GNAL: variants seen among roughly 807,000 people sequenced by gnomAD.
The protein encoded by GNAL is guanine nucleotide-binding protein G(olf) subunit alpha.
In GNAL, 18 loss-of-function variants were observed where a neutral mutation model predicts 55.1. That is an observed-to-expected ratio of 0.33 (90% confidence interval 0.23 to 0.48). GNAL has a LOEUF of 0.48. Among genes scored for constraint, GNAL ranks in the 20% least tolerant of loss-of-function variants. GNAL has a pLI of 0.99. For missense variants in GNAL, 412 were observed against 614.1 expected, an observed-to-expected ratio of 0.67 and a Z score of 3.48; for synonymous variants, 253 against 237.0, an observed-to-expected ratio of 1.07 and a Z score of -0.62.
Position 11,884,606 on chromosome 18 carries a change from A to ACAGCAC in GNAL, c.*3471_*3472insCAGCAC. ...GGGAGGTAGCACTTGGAGAGGGTGT[A>ACAGCAC]GTCTGTGGGCGTGATGCTACCCTGG... On this transcript the variant is annotated 3_prime_UTR_variant, in exon 12 of 12. Transcript: ENST00000334049. 3 of 1,613,802 alleles carry ACAGCAC rather than the reference A, an allele frequency of 1.9e-6. No homozygotes were observed. Among genetic ancestry groups the ACAGCAC allele is most frequent in the Non-Finnish European group, 2.5e-6 (3 of 1,180,004 alleles).
rs2036315035 is a variant in GNAL, at chr18:11,868,399, C to T, written c.911-144C>T. ...CTGAAGCAACCAGTGGTGCGCGGCGCACCTGCAGGCTGTTCTGTGACTGAA... is the reference window on the plus strand; with the variant it reads ...CTGAAGCAACCAGTGGTGCGCGGCGTACCTGCAGGCTGTTCTGTGACTGAA... On this transcript the variant is annotated intron_variant, in intron 8 of 11. Transcript: ENST00000334049. This position sits in a 1 kb window ranked among gnomAD's most constrained non-coding sequence, Gnocchi z 4.0. 1.6e-6 allele frequency: 1 copy of T among 637,918 alleles called. No homozygotes were observed. The highest frequency in any genetic ancestry group is 1.9e-5 in the African/African-American group (1 of 53,040). The allele number at this position is 637,918 out of a possible 1,614,324, so 39.5% of individuals were successfully genotyped here.
At chr18:11,787,873 CAAA>C (rs541254476) in intron 4 of GNAL, among the ~76,000 whole-genome samples, 2 of 124,262 alleles carry the variant, frequency 1.6e-5, no homozygotes, top group African/African-American at 2.9e-5. Flanking sequence ...GACTCCATCT[CAAA>C]AAAAAAAAAA....
rs192026792 is a variant in GNAL, at chr18:11,777,061, C to T, written c.624+23116C>T. Among the ~76,000 whole-genome samples the T allele has an allele frequency of 3.9e-5, 6 of 152,272 alleles. No individual in the cohort carries two copies. In the East Asian group the frequency reaches 7.7e-4, roughly 20 times the overall value. ...CATTTCTTTCCACTTTTCTATCCCTCGGTCCTCTTTAAAAAAATTAATATA... is the reference window on the plus strand; with the variant it reads ...CATTTCTTTCCACTTTTCTATCCCTTGGTCCTCTTTAAAAAAATTAATATA... On this transcript the variant is annotated intron_variant, in intron 4 of 11. Coordinates refer to ENST00000334049, the MANE Select transcript of GNAL (RefSeq NM_182978.4).
At position 11,851,751 on chromosome 18, in the gene GNAL, G is replaced by T. The variant is rs1301933761; in HGVS notation, c.723-10644G>T. ...TCGATGCAGTGGCTGCCAGGGTCCA[G>T]ACGGCGGTGACGATGGGCAAGGTGA... is the stretch of plus-strand genomic sequence containing the variant. On this transcript the variant is annotated intron_variant, in intron 5 of 11. Coordinates refer to ENST00000334049, the MANE Select transcript of GNAL (RefSeq NM_182978.4). 1.9e-6 allele frequency: 3 copies of T among 1,613,924 alleles called. No individual in the cohort carries two copies. In the Admixed American group the frequency reaches 5.0e-5, roughly 27 times the overall value.
At chr18:11,721,278 A>G (rs1366730405) in intron 1 of GNAL, among the ~76,000 whole-genome samples, 1 of 152,246 alleles carries the variant, frequency 6.6e-6, no homozygotes, top group African/African-American at 2.4e-5. Context: ...AGCACTTGCT[A>G]GCGATTAGTA....
chr18:11,738,279 C>G (rs893226426), intron 1 of GNAL, among the ~76,000 whole-genome samples: 1 of 152,168 alleles, frequency 6.6e-6, no homozygotes, highest in Non-Finnish European at 1.5e-5. Flanking sequence ...AGGCTCCTGC[C>G]CAAGCACAGC....
At chr18:11,848,264 A>G (rs919778739) in intron 5 of GNAL, among the ~76,000 whole-genome samples, 6 of 152,016 alleles carry the variant, frequency 3.9e-5, no homozygotes, top group Non-Finnish European at 7.4e-5. Context: ...AGGGCTGGGG[A>G]ACTGTCAGGG....
rs759062729 is a variant in GNAL, at chr18:11,884,587, T to C, written c.*3452T>C. 4 of 1,613,546 alleles carry C rather than the reference T, an allele frequency of 2.5e-6. No homozygotes were observed. In the African/African-American group the frequency reaches 5.3e-5, roughly 22 times the overall value. On this transcript the variant is annotated 3_prime_UTR_variant, in exon 12 of 12. Transcript: ENST00000334049. The stretch of plus-strand genomic sequence containing the variant: ...CAAAACCACATCCTCACGTGGGAGG[T>C]AGCACTTGGAGAGGGTGTAGTCTGT...
At chr18:11,822,987 T>C (rs1038008853) in intron 4 of GNAL, among the ~76,000 whole-genome samples, 5 of 152,160 alleles carry the variant, frequency 3.3e-5, no homozygotes, top group African/African-American at 4.8e-5. Context: ...TTTGTTTCAA[T>C]GTAGCATGAG....
At position 11,715,233 on chromosome 18, in the gene GNAL, G is replaced by A. The variant is rs571706238; in HGVS notation, c.376+25294G>A. Among the ~76,000 whole-genome samples, 15 of 152,126 alleles carry A rather than the reference G, an allele frequency of 9.9e-5. No homozygotes were observed. In the South Asian group the frequency reaches 3.1e-3, roughly 32 times the overall value. On this transcript the variant is annotated intron_variant, in intron 1 of 11. Coordinates refer to ENST00000334049, the MANE Select transcript of GNAL (RefSeq NM_182978.4). ...CCAGCACTTTGGGAGGCCGAGGTGG[G>A]CGGATCACAAGGTCAGGAGATCGAG...
intron 4 of GNAL, among the ~76,000 whole-genome samples, chr18:11,810,185 G>A (rs1430614225): frequency 6.6e-6 from 1 of 152,218 alleles, no homozygotes; most frequent in Non-Finnish European, 1.5e-5. Context: ...GAGCTCAGGA[G>A]TTGTCAGAAC....
At chr18:11,817,546 C>T (rs1270679992) in intron 4 of GNAL, among the ~76,000 whole-genome samples, 1 of 152,160 alleles carries the variant, frequency 6.6e-6, no homozygotes, top group Non-Finnish European at 1.5e-5. Flanking sequence ...AAGATGCTTT[C>T]CCCTCAGGAA....
At chr18:11,710,035 CT>C (rs1320099753) in intron 1 of GNAL, among the ~76,000 whole-genome samples, 1 of 152,052 alleles carries the variant, frequency 6.6e-6, no homozygotes, top group Non-Finnish European at 1.5e-5. Context: ...TTGTTAAATG[CT>C]TTTTTTGTAT....
At chr18:11,785,811 C>T (rs2143389376) in intron 4 of GNAL, among the ~76,000 whole-genome samples, 1 of 152,320 alleles carries the variant, frequency 6.6e-6, no homozygotes, top group African/African-American at 2.4e-5. Context: ...ATGGGTTAAG[C>T]AGCAGCTCCT....
intron 5 of GNAL, among the ~76,000 whole-genome samples, chr18:11,844,665 T>C (rs1208553759): frequency 1.3e-5 from 2 of 152,062 alleles, no homozygotes; most frequent in Non-Finnish European, 2.9e-5. Context: ...AGAAAAATGC[T>C]TTTTCCCTCC....
intron 1 of GNAL, among the ~76,000 whole-genome samples, chr18:11,731,428 C>G (rs977538351): frequency 6.6e-6 from 1 of 152,176 alleles, no homozygotes; most frequent in African/African-American, 2.4e-5. Flanking sequence ...GGATTACAGG[C>G]GTGAGCCACC....
intron 4 of GNAL, among the ~76,000 whole-genome samples, chr18:11,773,354 C>G (rs1210257290): frequency 6.6e-6 from 1 of 152,156 alleles, no homozygotes; most frequent in Non-Finnish European, 1.5e-5. Flanking sequence ...TGTGTTGGAG[C>G]AGGAGATAAA....
At chr18:11,775,749 C>T (rs576813981) in intron 4 of GNAL, among the ~76,000 whole-genome samples, 3 of 152,274 alleles carry the variant, frequency 2.0e-5, no homozygotes, top group East Asian at 1.9e-4. Flanking sequence ...CAGTGACTGA[C>T]GCAAGATCCT....
At chr18:11,758,554 G>T (rs781330284) in intron 4 of GNAL, among the ~76,000 whole-genome samples, 4 of 152,182 alleles carry the variant, frequency 2.6e-5, no homozygotes, top group Non-Finnish European at 4.4e-5. Context: ...GAAATCTTTG[G>T]AGACAAGGTC....
Sources: gnomAD v4.1 joint callset for allele counts (sites outside exome capture counted in the v4.1 genomes callset) on GRCh38, gnomAD v4.1.1 for gene constraint, Gnocchi (gnomAD v3.1) non-coding constraint, MANE v1.5 for transcripts, NCBI Gene and HGNC (gene_info 2026-07-23, HGNC 2026-07-21) for gene names.